Variants in ROBO2 observed in about 807,000 individuals in gnomAD.
ROBO2 encodes roundabout homolog 2.
Under a neutral mutation model 160.8 loss-of-function variants are expected in ROBO2, and 53 were observed. The observed-to-expected ratio is 0.33, with a 90% confidence interval of 0.26 to 0.41. The LOEUF (loss-of-function observed/expected upper bound fraction) is 0.41, where lower values mean the gene tolerates loss of function less well. Among genes scored for constraint, ROBO2 ranks in the 10% least tolerant of loss-of-function variants. The pLI is 1.00. For synonymous variants in ROBO2, 664 were observed against 611.7 expected (o/e 1.09, Z -1.26); for missense variants, 1,577 against 1,722.4 (o/e 0.92, Z 1.49).
At chr3:76,189,762 G>T (rs1358507222) in intron 2 of ROBO2, among the ~76,000 whole-genome samples, 5 of 152,022 alleles carry the variant, frequency 3.3e-5, no homozygotes, top group African/African-American at 1.2e-4. Flanking sequence ...AGTGCTTATG[G>T]TATGCCAGGC....
intron 8 of ROBO2, among the ~76,000 whole-genome samples, chr3:77,557,450 A>G (rs1207507761): frequency 2.6e-5 from 4 of 152,078 alleles, no homozygotes; most frequent in Non-Finnish European, 5.9e-5. Flanking sequence ...TAAATACAGC[A>G]CATAACTGGT....
chr3:77,550,176 C>G (rs1053090070), intron 7 of ROBO2, among the ~76,000 whole-genome samples: 3 of 151,994 alleles, frequency 2.0e-5, no homozygotes, highest in Admixed American at 2.0e-4. Context: ...AGGTAACACA[C>G]TTTTAGAAAC....
chr3:76,563,334 T>C (rs2084316775), intron 2 of ROBO2, among the ~76,000 whole-genome samples: 1 of 152,186 alleles, frequency 6.6e-6, no homozygotes, highest in African/African-American at 2.4e-5. Flanking sequence ...GCAGGAACTA[T>C]GATAATTTTG....
chr3:76,881,377 A>T (rs1441918842), intron 2 of ROBO2, among the ~76,000 whole-genome samples: 1 of 152,192 alleles, frequency 6.6e-6, no homozygotes, highest in Non-Finnish European at 1.5e-5. Context: ...TGAATGTGGA[A>T]ATGTGCAGGG....
chr3:76,958,498 A>G (rs1203969433), intron 2 of ROBO2, among the ~76,000 whole-genome samples: 1 of 152,176 alleles, frequency 6.6e-6, no homozygotes. Context: ...CTCTGTAGTG[A>G]TTTTGTACTA....
At chr3:77,295,624 A>T (rs2061986884) in intron 2 of ROBO2, among the ~76,000 whole-genome samples, 1 of 87,914 alleles carries the variant, frequency 1.1e-5, no homozygotes, top group South Asian at 3.7e-4. Flanking sequence ...AGTAAAATTG[A>T]CGGTTAAACG....
At chr3:76,361,252 G>A (rs1209361395) in intron 2 of ROBO2, among the ~76,000 whole-genome samples, 2 of 152,084 alleles carry the variant, frequency 1.3e-5, no homozygotes, top group African/African-American at 4.8e-5. Flanking sequence ...TCTGGCTTGA[G>A]CAACACTTCT....
chr3:76,434,291 T>C, intron 2 of ROBO2: 2 of 1,031,476 alleles, frequency 1.9e-6, no homozygotes, highest in South Asian at 2.5e-5. Context: ...AGCCAGCAGA[T>C]AATAAGCTTT....
intron 2 of ROBO2, among the ~76,000 whole-genome samples, chr3:76,618,284 G>A (rs1297725221): frequency 6.6e-6 from 1 of 151,536 alleles, no homozygotes; most frequent in South Asian, 2.1e-4. Flanking sequence ...ATTACATAGA[G>A]ACTGCTGTTA....
At chr3:76,237,394 T>G (rs578054317) in intron 2 of ROBO2, among the ~76,000 whole-genome samples, 1 of 152,282 alleles carries the variant, frequency 6.6e-6, no homozygotes, top group East Asian at 1.9e-4. Context: ...AACTAAACCT[T>G]TACAAAACAA....
intron 2 of ROBO2, among the ~76,000 whole-genome samples, chr3:76,854,494 T>G (rs560026817): frequency 1.7e-3 from 263 of 152,262 alleles, no homozygotes; most frequent in Non-Finnish European, 3.2e-3. Context: ...TTGTGCAAAC[T>G]TTTGAGAACT....
chr3:76,558,259 A>G (rs1022354884), intron 2 of ROBO2, among the ~76,000 whole-genome samples: 7 of 152,074 alleles, frequency 4.6e-5, no homozygotes, highest in Non-Finnish European at 1.0e-4. Context: ...CAATGATTTC[A>G]TCATAGTTTC....
intron 1 of ROBO2, among the ~76,000 whole-genome samples, chr3:77,081,442 T>G (rs1440592902): frequency 2.6e-5 from 4 of 152,198 alleles, no homozygotes; most frequent in Non-Finnish European, 5.9e-5. Flanking sequence ...GAAATGCCCC[T>G]GTGTATTCAT....
intron 2 of ROBO2, among the ~76,000 whole-genome samples, chr3:76,444,662 G>T (rs75990460): frequency 0.046 from 7,057 of 152,230 alleles, 228 homozygotes; most frequent in African/African-American, 0.088. Flanking sequence ...ATGATTCAAT[G>T]ACCTTCCACT....
In ROBO2 at chr3:76,067,524, A is replaced by G. The variant is rs144264492; in HGVS notation, c.109+129922A>G. On this transcript the variant is annotated intron_variant, in intron 2 of 26. Transcript: ENST00000487694. ...TAAAAAAAAAACTATTGTTTACCTG[A>G]AGAGCCATAAATATATCAGGCTCCA... Among the ~76,000 whole-genome samples, 385 of 152,188 alleles carry G rather than the reference A, an allele frequency of 2.5e-3. 1 individual carries two copies. The highest frequency in any genetic ancestry group is 8.9e-3 in the African/African-American group (371 of 41,540).
chr3:76,789,928 A>C (rs1204300184), intron 2 of ROBO2, among the ~76,000 whole-genome samples: 1 of 151,746 alleles, frequency 6.6e-6, no homozygotes, highest in Non-Finnish European at 1.5e-5. Context: ...TGTAGAGCAC[A>C]GTCTATTTAG....
intron 2 of ROBO2, among the ~76,000 whole-genome samples, chr3:76,419,102 T>C (rs2075880314): frequency 6.6e-6 from 1 of 152,222 alleles, no homozygotes. Flanking sequence ...TAAATTTCAC[T>C]GACAGCAGGT....
At chr3:76,298,029 A>G (rs978947987) in intron 2 of ROBO2, among the ~76,000 whole-genome samples, 2 of 152,188 alleles carry the variant, frequency 1.3e-5, no homozygotes, top group Non-Finnish European at 2.9e-5. Flanking sequence ...GGACTTAGAG[A>G]TCCCTAGGAA....
intron 2 of ROBO2, among the ~76,000 whole-genome samples, chr3:76,053,380 A>C (rs1166078105): frequency 1.3e-5 from 2 of 152,022 alleles, no homozygotes; most frequent in Non-Finnish European, 1.5e-5. Context: ...AGTTGTAAAA[A>C]CAGTTAAAAA....
Sources: allele counts gnomAD v4.1 joint callset (sites outside exome capture counted in the v4.1 genomes callset), GRCh38; gene constraint gnomAD v4.1.1; transcripts MANE v1.5; gene names NCBI Gene and HGNC (gene_info 2026-07-23, HGNC 2026-07-21).